The following GAD2 variants were observed in gnomAD, a reference collection of about 807,000 sequenced individuals.
GAD2 encodes glutamate decarboxylase 2.
GAD2 carries 22 observed loss-of-function variants against 80.1 expected under a neutral mutation model. The ratio of observed to expected loss-of-function variants is 0.27; its 90% CI spans 0.20 to 0.39. GAD2 has a LOEUF of 0.39. Among genes scored for constraint, GAD2 ranks in the 10% least tolerant of loss-of-function variants. The pLI is 1.00. For synonymous variants in GAD2, 274 were observed against 256.9 expected (o/e 1.07, Z -0.64); for missense variants, 624 against 738.4 (o/e 0.85, Z 1.80).
chr10:26,301,115 C>A lies in GAD2; in HGVS notation c.*154C>A. ...AAAATTAAACAAAAAAGACATTGCT[C>A]CTTTTAAAAGTCCTTTCTTAAGTTT... On this transcript the variant is annotated 3_prime_UTR_variant, in exon 16 of 16. Transcript: ENST00000376261. 3.1e-6 allele frequency: 2 copies of A among 644,520 alleles called. No homozygotes were observed. Among genetic ancestry groups the A allele is most frequent in the Non-Finnish European group, 5.2e-6 (2 of 381,802 alleles). The allele number at this position is 644,520 out of a possible 1,614,324, so 39.9% of individuals were successfully genotyped here.
Position 26,217,665 on chromosome 10 carries a change from G to A in GAD2, c.132G>A (p.Leu44=), listed in dbSNP as rs1844394140. 3 of 1,613,486 alleles carry A rather than the reference G, an allele frequency of 1.9e-6. No individual in the cohort carries two copies. Among genetic ancestry groups the A allele is most frequent in the Non-Finnish European group, 2.5e-6 (3 of 1,179,742 alleles). Residue 44 remains leucine (L), a synonymous_variant, in exon 2 of 16, where the codon CTG becomes CTA. Transcript: ENST00000376261. This position sits in a 1 kb window ranked among gnomAD's most constrained non-coding sequence, Gnocchi z 4.9. ...TCACGGGCGGCATCGGAAACAAACT[G>A]TGCGGTGAGTGCCCAGGGACCGGGG... ...QKFTGGIGNK[L]CALLYGDAEK...
chr10:26,288,049 T>C (rs942382626), intron 13 of GAD2, among the ~76,000 whole-genome samples: 1 of 152,170 alleles, frequency 6.6e-6, no homozygotes, highest in African/African-American at 2.4e-5. Flanking sequence ...TGTTTATAAT[T>C]TTTTTAAAGT....
rs1430846922 is a variant in GAD2, at chr10:26,245,993, G to A, written c.913G>A (p.Asp305Asn). The A allele has an allele frequency of 1.9e-6, 3 of 1,613,796 alleles. No individual in the cohort carries two copies. Among genetic ancestry groups the A allele is most frequent in the South Asian group, 2.2e-5 (2 of 91,066 alleles). Reference sequence around the variant, plus strand: ...AGACAGCGTGATTCTGATTAAATGTGATGAGAGGTGAGCACGCATCGGCAA... The same window carrying A: ...AGACAGCGTGATTCTGATTAAATGTAATGAGAGGTGAGCACGCATCGGCAA... ...GTDSVILIKC[D>N]ERGKMIPSDL... The change falls in exon 8 of 16, where the codon GAT becomes AAT. Residue 305 changes from aspartate to asparagine, a missense_variant. By Grantham distance (23) the Asp-to-Asn change is conservative. Transcript: ENST00000376261.
chr10:26,218,025 T>A lies in GAD2; in HGVS notation c.286+34T>A, dbSNP rs1012355872. 3 of 1,562,060 alleles carry A rather than the reference T, an allele frequency of 1.9e-6. No homozygotes were observed. The African/African-American group carries it at 4.1e-5, about 22-fold the overall frequency. ...TCAGCGGGGAGCCCCGGGGCGCCCC[T>A]GCCCCTCTCTCTGCCCCGCCCACCG... On this transcript the variant is annotated intron_variant, in intron 3 of 15. Transcript: ENST00000376261.
At chr10:26,230,226 A>G (rs1406467018) in intron 7 of GAD2, among the ~76,000 whole-genome samples, 3 of 152,174 alleles carry the variant, frequency 2.0e-5, no homozygotes, top group Non-Finnish European at 2.9e-5. Flanking sequence ...CTTCTGCGCA[A>G]TCAAGTTGCA....
In GAD2 at chr10:26,264,282, G is replaced by T. The variant is rs545759218; in HGVS notation, c.921-4837G>T. 4.0e-5 allele frequency among the ~76,000 whole-genome samples: 6 copies of T among 150,656 alleles called. No individual in the cohort carries two copies. In the South Asian group the frequency reaches 1.3e-3, roughly 32 times the overall value. ...AGTTAGCATATATGATCTGTGGCAG[G>T]AACCCACTATTCCATCTCCAGATTT... On this transcript the variant is annotated intron_variant, in intron 8 of 15. Coordinates refer to ENST00000376261, the MANE Select transcript of GAD2 (RefSeq NM_001134366.2).
chr10:26,232,514 G>A (rs564511342), intron 7 of GAD2, among the ~76,000 whole-genome samples: 14 of 127,850 alleles, frequency 1.1e-4, no homozygotes, highest in South Asian at 4.8e-4. Context: ...TAGCCCTGTC[G>A]CCCAGGCTGG....
At chr10:26,219,415 C>T in intron 4 of GAD2, 139 bp downstream of exon 4, 1 of 603,482 alleles carries the variant, frequency 1.7e-6, no homozygotes, top group Non-Finnish European at 2.8e-6. Flanking sequence ...AAAAAATAGT[C>T]ATTATTAGAA....
intron 10 of GAD2, among the ~76,000 whole-genome samples, chr10:26,271,164 C>T (rs183795404): frequency 5.0e-4 from 76 of 152,204 alleles, no homozygotes; most frequent in Non-Finnish European, 7.8e-4. Context: ...GAATTAAAAA[C>T]AAACAAAAGC....
intron 4 of GAD2, among the ~76,000 whole-genome samples, chr10:26,222,115 G>A (rs574434300): frequency 6.6e-6 from 1 of 152,338 alleles, no homozygotes; most frequent in African/African-American, 2.4e-5. Context: ...AGGCAGGAGA[G>A]ATTCAGGTGA....
intron 15 of GAD2, among the ~76,000 whole-genome samples, chr10:26,297,654 T>G (rs1834288877): frequency 6.6e-6 from 1 of 152,348 alleles, no homozygotes; most frequent in Admixed American, 6.5e-5. Flanking sequence ...CTCTATGTAT[T>G]TCATCCAAAA....
intron 8 of GAD2, among the ~76,000 whole-genome samples, chr10:26,257,364 G>A (rs780141610): frequency 4.6e-5 from 7 of 152,184 alleles, no homozygotes; most frequent in Non-Finnish European, 7.3e-5. Flanking sequence ...GAGACAGAGC[G>A]AGATTCCGTC....
At chr10:26,250,519 C>G (rs1042010010) in intron 8 of GAD2, among the ~76,000 whole-genome samples, 6 of 151,098 alleles carry the variant, frequency 4.0e-5, no homozygotes, top group African/African-American at 1.5e-4. Flanking sequence ...AAGGAGGGGT[C>G]GGGAGAGGCA....
intron 8 of GAD2, 105 bp downstream of exon 8, chr10:26,246,105 C>T (rs1489053248): frequency 6.1e-6 from 5 of 814,572 alleles, no homozygotes; most frequent in African/African-American, 1.7e-5. Flanking sequence ...AGCAAGTCCA[C>T]CTCCCTCCCA....
At chr10:26,286,125 A>G (rs1462054934) in intron 12 of GAD2, among the ~76,000 whole-genome samples, 12 of 152,178 alleles carry the variant, frequency 7.9e-5, no homozygotes, top group Non-Finnish European at 1.6e-4. Flanking sequence ...CCTCCGTGAC[A>G]TTTGACCCTG....
intron 7 of GAD2, among the ~76,000 whole-genome samples, chr10:26,233,543 C>T (rs1340628583): frequency 6.6e-6 from 1 of 152,156 alleles, no homozygotes; most frequent in Non-Finnish European, 1.5e-5. Context: ...AGAGGTAATA[C>T]GATCCCCATC....
Position 26,302,891 on chromosome 10 carries a change from C to G in GAD2, c.*1930C>G, listed in dbSNP as rs1834342637. The G allele has an allele frequency of 6.6e-6, 1 of 152,286 alleles. No homozygotes were observed. The highest frequency in any genetic ancestry group is 2.1e-4 in the South Asian group (1 of 4,830). The allele number at this position is 152,286 out of a possible 1,614,324, so 9.4% of individuals were successfully genotyped here. A position where few individuals can be genotyped will look rare whatever the true frequency, so the allele number is the denominator to read the frequency against. On this transcript the variant is annotated 3_prime_UTR_variant, in exon 16 of 16. Transcript: ENST00000376261. ...TTTCATGAAGGAGTAACCTTCCATT[C>G]TAGGCTTTGTCTAATGGCCAAGCAT...
In GAD2 at chr10:26,271,734, A is replaced by G. The variant is rs11015023; in HGVS notation, c.1092+978A>G. ...CTGGCTTAGATCATTTTGGCTTTAT[A>G]ATAATTATTCAGACCAAATTAATGC... On this transcript the variant is annotated intron_variant, in intron 10 of 15. Coordinates refer to ENST00000376261, the MANE Select transcript of GAD2 (RefSeq NM_001134366.2). Among the ~76,000 whole-genome samples the G allele has an allele frequency of 2.6e-5, 4 of 152,170 alleles. No individual in the cohort carries two copies. In the East Asian group the frequency reaches 7.7e-4, roughly 29 times the overall value.
Position 26,229,710 on chromosome 10 carries a change from T to C in GAD2, c.773T>C (p.Met258Thr). 1.2e-5 allele frequency: 20 copies of C among 1,614,194 alleles called. No homozygotes were observed. The highest frequency in any genetic ancestry group is 1.7e-5 in the Non-Finnish European group (20 of 1,180,026). The change falls in exon 7 of 16, where the codon ATG becomes ACG. Residue 258 changes from methionine to threonine, a missense_variant. Coordinates refer to ENST00000376261, the MANE Select transcript of GAD2 (RefSeq NM_001134366.2). Reference sequence around the variant, plus strand: ...GCCATGATGATCGCACGCTTTAAGATGTTCCCAGAAGTCAAGGAGAAAGGA... The same window carrying C: ...GCCATGATGATCGCACGCTTTAAGACGTTCCCAGAAGTCAAGGAGAAAGGA... ...MYAMMIARFK[M>T]FPEVKEKGMA...
Sources: allele counts gnomAD v4.1 joint callset (sites outside exome capture counted in the v4.1 genomes callset), GRCh38; gene constraint gnomAD v4.1.1; non-coding constraint Gnocchi (gnomAD v3.1); transcripts MANE v1.5; gene names NCBI Gene and HGNC (gene_info 2026-07-23, HGNC 2026-07-21).